CTBP2: variants seen among roughly 807,000 people sequenced by gnomAD.
CTBP2 encodes C-terminal binding protein 2.
CTBP2 carries 30 observed loss-of-function variants against 80.3 expected under a neutral mutation model. The ratio of observed to expected loss-of-function variants is 0.37; its 90% CI spans 0.28 to 0.51. CTBP2 has a LOEUF of 0.51. CTBP2 is among the 20% of genes least tolerant of loss of function. The pLI, the probability that CTBP2 is intolerant of heterozygous loss-of-function variation, is 0.93. For missense variants in CTBP2, 1,212 were observed against 1,375.3 expected, an observed-to-expected ratio of 0.88 and a Z score of 1.88; for synonymous variants, 594 against 587.4, an observed-to-expected ratio of 1.01 and a Z score of -0.16.
At chr10:125,091,590 C>G (rs902498586) in intron 2 of CTBP2, among the ~76,000 whole-genome samples, 1 of 152,254 alleles carries the variant, frequency 6.6e-6, no homozygotes, top group Admixed American at 6.5e-5. Context: ...CTGGGCAACA[C>G]AGGGAGACCC....
chr10:125,099,291 G>C (rs936212989), intron 2 of CTBP2, among the ~76,000 whole-genome samples: 1 of 152,130 alleles, frequency 6.6e-6, no homozygotes, highest in Admixed American at 6.5e-5. Flanking sequence ...ACCTTGTAAG[G>C]CTGTGCCACA....
chr10:125,148,709 T>A (rs1248287907), intron 1 of CTBP2, among the ~76,000 whole-genome samples: 2 of 152,186 alleles, frequency 1.3e-5, no homozygotes, highest in African/African-American at 4.8e-5. Context: ...GCCCACTATT[T>A]GGAGCCATGT....
At chr10:125,025,755 G>C (rs1242769493) in intron 1 of CTBP2, among the ~76,000 whole-genome samples, 1 of 152,194 alleles carries the variant, frequency 6.6e-6, no homozygotes, top group African/African-American at 2.4e-5. Flanking sequence ...GCTCAAGGCT[G>C]CAGTCTGTTC....
intron 1 of CTBP2, among the ~76,000 whole-genome samples, chr10:125,120,871 C>G (rs1377778633): frequency 6.6e-6 from 1 of 152,224 alleles, no homozygotes; most frequent in Admixed American, 6.5e-5. Context: ...CAATGGACTA[C>G]ATGTGCAATA....
At chr10:125,081,921 C>A (rs1407187892) in intron 2 of CTBP2, among the ~76,000 whole-genome samples, 2 of 151,932 alleles carry the variant, frequency 1.3e-5, no homozygotes, top group Non-Finnish European at 2.9e-5. Flanking sequence ...GAGGAAGTGG[C>A]CACCGAGAAC....
At chr10:124,992,838 C>A in intron 7 of CTBP2, 26 bp from the exon 10 acceptor site, 3 of 1,535,840 alleles carry the variant, frequency 2.0e-6, no homozygotes, top group South Asian at 2.3e-5. Flanking sequence ...TAAAATTAAT[C>A]ATATTATTTT....
At chr10:125,017,409 CTCTT>C (rs1210372862) in intron 1 of CTBP2, among the ~76,000 whole-genome samples, 1 of 152,202 alleles carries the variant, frequency 6.6e-6, no homozygotes, top group South Asian at 2.1e-4. Flanking sequence ...ATCAGTTTCC[CTCTT>C]TCTTTGGTTG....
chr10:125,133,507 C>T (rs983226400), intron 1 of CTBP2: 1 of 152,310 alleles, frequency 6.6e-6, no homozygotes, highest in African/African-American at 2.4e-5. Flanking sequence ...GGGAAACAGG[C>T]TCACGCGCTG....
intron 4 of CTBP2, among the ~76,000 whole-genome samples, chr10:124,994,975 CAG>C (rs1360569339): frequency 6.6e-6 from 1 of 152,254 alleles, no homozygotes; most frequent in South Asian, 2.1e-4. Flanking sequence ...TTTTCAAACA[CAG>C]AGTGTTCTGA....
At chr10:125,071,681 T>C (rs1239049236) in intron 2 of CTBP2, among the ~76,000 whole-genome samples, 1 of 152,042 alleles carries the variant, frequency 6.6e-6, no homozygotes, top group Non-Finnish European at 1.5e-5. Context: ...CTAGAGCCAG[T>C]GAAGAATAAA....
chr10:125,155,023 T>C (rs1435660541), intron 1 of CTBP2, among the ~76,000 whole-genome samples: 1 of 152,214 alleles, frequency 6.6e-6, no homozygotes, highest in Non-Finnish European at 1.5e-5. Flanking sequence ...GAATATCATT[T>C]CCTAAAATCA....
Position 124,994,505 on chromosome 10 carries a change from A to G in CTBP2, c.2364T>C (p.His788=). The G allele has an allele frequency of 6.2e-7, 1 of 1,613,970 alleles. No individual in the cohort carries two copies. Reference sequence around the variant, plus strand: ...TAAAGTCATTGATGAGGTGGTGGTTATGTTCGTTGAGATTGCAGTGCAAGG... The same window carrying G: ...TAAAGTCATTGATGAGGTGGTGGTTGTGTTCGTTGAGATTGCAGTGCAAGG... Residue 788 remains histidine, a synonymous_variant, in exon 5 of 9, where the codon CAT becomes CAC. Transcript: ENST00000309035.
intron 2 of CTBP2, among the ~76,000 whole-genome samples, chr10:125,086,021 C>A (rs1847915023): frequency 6.6e-6 from 1 of 152,218 alleles, no homozygotes; most frequent in African/African-American, 2.4e-5. Flanking sequence ...TCCTGCCACG[C>A]CAATCTCAGC....
At chr10:125,059,376 T>A (rs1299080553) in intron 2 of CTBP2, among the ~76,000 whole-genome samples, 12 of 150,992 alleles carry the variant, frequency 7.9e-5, no homozygotes, top group African/African-American at 2.9e-4. Flanking sequence ...AGGTCAGGAG[T>A]TCAACACCAA....
At chr10:125,005,038 C>T (rs556290710) in intron 1 of CTBP2, among the ~76,000 whole-genome samples, 3 of 152,298 alleles carry the variant, frequency 2.0e-5, no homozygotes, top group South Asian at 2.1e-4. Flanking sequence ...ATTCCGTTAG[C>T]CACACGCTCG....
At chr10:125,048,351 G>A (rs1961784863) in intron 2 of CTBP2, among the ~76,000 whole-genome samples, 3 of 152,148 alleles carry the variant, frequency 2.0e-5, no homozygotes. Context: ...ACAAGCACCT[G>A]GAGAAAATAA....
At chr10:125,046,537 CAA>C (rs57913854) in intron 2 of CTBP2, among the ~76,000 whole-genome samples, 3,335 of 114,752 alleles carry the variant, frequency 0.029, 124 homozygotes, top group African/African-American at 0.094. Context: ...GACTCTATCT[CAA>C]AAAAAAAAAA....
At chr10:125,003,730 G>A (rs1319349656) in intron 1 of CTBP2, among the ~76,000 whole-genome samples, 2 of 152,198 alleles carry the variant, frequency 1.3e-5, no homozygotes, top group Non-Finnish European at 2.9e-5. Flanking sequence ...CCTGCCAGCA[G>A]ACCATAGTCC....
intron 2 of CTBP2, among the ~76,000 whole-genome samples, chr10:125,053,381 C>T (rs541113610): frequency 6.6e-6 from 1 of 152,274 alleles, no homozygotes; most frequent in South Asian, 2.1e-4. Context: ...AGCAAGAGGA[C>T]ACAGTGAAAG....
Sources: allele counts gnomAD v4.1 joint callset (sites outside exome capture counted in the v4.1 genomes callset), GRCh38; gene constraint gnomAD v4.1.1; transcripts MANE v1.5; gene names NCBI Gene and HGNC (gene_info 2026-07-23, HGNC 2026-07-21).